The following PRRC2C variants were observed in gnomAD, a reference collection of about 807,000 sequenced individuals.
The protein encoded by PRRC2C is protein PRRC2C.
A neutral mutation model predicts 317.2 loss-of-function variants in PRRC2C; 72 were observed. The ratio of observed to expected loss-of-function variants is 0.23; its 90% CI spans 0.19 to 0.28. The LOEUF is 0.28. Among genes scored for constraint, PRRC2C ranks in the 10% least tolerant of loss-of-function variants. The pLI, the probability that PRRC2C is intolerant of heterozygous loss-of-function variation, is 1.00. For synonymous variants in PRRC2C, 1,296 were observed against 1,205.9 expected (o/e 1.07, Z -1.55); for missense variants, 3,074 against 3,459.7 (o/e 0.89, Z 2.80).
intron 11 of PRRC2C, 151 bp from the exon 12 acceptor site, chr1:171,532,192 T>A: frequency 1.2e-6 from 1 of 810,074 alleles, no homozygotes. Context: ...AGATGTAATA[T>A]ATTTCCCATC....
At position 171,517,755 on chromosome 1, in the gene PRRC2C, A is replaced by G. The variant is rs754717531; in HGVS notation, c.691A>G (p.Lys231Glu). The part of the protein sequence containing the change: ...KRIACGPPQA[K>E]LNGQQAALAS... ...GATAGCTTGTGGTCCTCCACAGGCT[A>G]AACTGAATGGACAGCAGGCTGCTCT... The change falls in exon 6 of 35, where the codon AAA becomes GAA. Residue 231 changes from lysine to glutamate, a missense_variant. Coordinates refer to ENST00000647382, the MANE Select transcript of PRRC2C (RefSeq NM_001387844.1). The G allele has an allele frequency of 4.3e-6, 7 of 1,613,738 alleles. No individual in the cohort carries two copies. Among genetic ancestry groups the G allele is most frequent in the South Asian group, 1.1e-5 (1 of 91,070 alleles).
intron 12 of PRRC2C, among the ~76,000 whole-genome samples, chr1:171,534,548 C>T (rs1676469266): frequency 6.6e-6 from 1 of 152,002 alleles, no homozygotes; most frequent in South Asian, 2.1e-4. Flanking sequence ...GTTCTCAAGA[C>T]ACACGTGATT....
In PRRC2C at chr1:171,571,429, C is replaced by T. The variant is rs758369512; in HGVS notation, c.6753+8C>T. On this transcript the variant is annotated splice_region_variant and intron_variant, in intron 24 of 34. Transcript: ENST00000647382. ...TTCAGCCTCACCTTCAAGGTATGTACAACATCCATCTCTAAGAGTCCTTAA... is the reference window on the plus strand; with the variant it reads ...TTCAGCCTCACCTTCAAGGTATGTATAACATCCATCTCTAAGAGTCCTTAA... The T allele has an allele frequency of 5.1e-6, 8 of 1,554,592 alleles. No individual in the cohort carries two copies. The highest frequency in any genetic ancestry group is 3.3e-5 in the Admixed American group (2 of 59,864).
chr1:171,553,600 C>A (rs1680747012), intron 18 of PRRC2C, among the ~76,000 whole-genome samples: 1 of 152,112 alleles, frequency 6.6e-6, no homozygotes, highest in African/African-American at 2.4e-5. Flanking sequence ...CTCTTTTGGG[C>A]ACTTAGTGCT....
At chr1:171,558,832 G>A (rs1477333716) in intron 19 of PRRC2C, among the ~76,000 whole-genome samples, 1 of 152,178 alleles carries the variant, frequency 6.6e-6, no homozygotes, top group Non-Finnish European at 1.5e-5. Context: ...TAAATCAAAA[G>A]CTGGGAACGA....
At chr1:171,583,852 C>A in intron 28 of PRRC2C, 104 bp from the exon 29 acceptor site, 2 of 890,552 alleles carry the variant, frequency 2.2e-6, no homozygotes, top group South Asian at 1.7e-5. Flanking sequence ...AAATGTCATG[C>A]AGCACATGAC....
intron 24 of PRRC2C, 23 bp from the exon 25 acceptor site, chr1:171,574,904 A>G: frequency 1.9e-6 from 3 of 1,605,582 alleles, no homozygotes; most frequent in Non-Finnish European, 2.6e-6. Context: ...TTTTTTTACT[A>G]TAAAATGTCC....
intron 3 of PRRC2C, among the ~76,000 whole-genome samples, chr1:171,513,944 A>G (rs1344027298): frequency 1.3e-5 from 2 of 152,222 alleles, no homozygotes; most frequent in East Asian, 1.9e-4. Context: ...AACACATTGC[A>G]TTTTGTGAGC....
intron 1 of PRRC2C, chr1:171,510,995 A>T (rs1477949878): frequency 6.6e-6 from 1 of 152,200 alleles, no homozygotes; most frequent in African/African-American, 2.4e-5. Flanking sequence ...TGATTCTGTA[A>T]TTGACAAATA....
chr1:171,566,999 G>A (rs1001595964), intron 22 of PRRC2C, among the ~76,000 whole-genome samples, 156 bp downstream of exon 22: 14 of 152,154 alleles, frequency 9.2e-5, no homozygotes, highest in Admixed American at 3.3e-4. Context: ...ATTTGCATAT[G>A]TAATCTAAAG....
chr1:171,557,690 T>C lies in PRRC2C; in HGVS notation c.5578T>C (p.Ser1860Pro), dbSNP rs1681722968. 7.7e-6 allele frequency: 12 copies of C among 1,551,108 alleles called. No homozygotes were observed. In the East Asian group the frequency reaches 2.7e-4, roughly 35 times the overall value. The change falls in exon 19 of 35, where the codon TCA (serine) becomes CCA (proline). Residue 1860 changes from serine to proline, a missense_variant. Physicochemically the swap from Ser to Pro is moderately conservative, Grantham distance 74 (BLOSUM62 -1). Around this residue, in one of 11 missense-constraint regions of PRRC2C, gnomAD observed 640 missense variants for 676.1 expected, o/e 0.95. Transcript: ENST00000647382. ...CCCAGCTTCTGTCACCATTCTTGCC[T>C]CAGCCTCAATTCCCATTCTTGCTTC... ...STPASVTILA[S>P]ASIPILASAL...
rs1360856497 is a variant in PRRC2C at position 171,517,300 on chromosome 1, A to G, written c.527-291A>G. On this transcript the variant is annotated intron_variant, in intron 5 of 34. Transcript: ENST00000647382. ...CATGGCCATCTGATATATGGAGAAC[A>G]GTGATTTTAATTTCTATACCAAATA... 2.0e-5 allele frequency among the ~76,000 whole-genome samples: 3 copies of G among 152,172 alleles called. No individual in the cohort carries two copies. The South Asian group carries it at 6.2e-4, about 31-fold the overall frequency.
intron 17 of PRRC2C, among the ~76,000 whole-genome samples, chr1:171,549,245 C>T (rs1167954326): frequency 6.6e-6 from 1 of 152,144 alleles, no homozygotes; most frequent in Non-Finnish European, 1.5e-5. Context: ...CCATGTTGCC[C>T]AGGCTGGTGT....
chr1:171,526,268 T>G (rs906294355), intron 10 of PRRC2C, among the ~76,000 whole-genome samples: 1 of 152,208 alleles, frequency 6.6e-6, no homozygotes, highest in African/African-American at 2.4e-5. Context: ...TAAATAAAAT[T>G]TAGTAATTAG....
At chr1:171,525,101 AAT>A in intron 10 of PRRC2C, 136 bp downstream of exon 10, 1 of 651,194 alleles carries the variant, frequency 1.5e-6, no homozygotes, top group Non-Finnish European at 2.3e-6. Context: ...TTTTTTCTTG[AAT>A]AGTCTTGAAT....
In PRRC2C at chr1:171,532,557, T is replaced by G. The variant is rs759833869; in HGVS notation, c.1469T>G (p.Leu490Trp). 1 of 1,581,738 alleles carries G rather than the reference T, an allele frequency of 6.3e-7. No homozygotes were observed. Among genetic ancestry groups the G allele is most frequent in the Non-Finnish European group, 8.6e-7 (1 of 1,163,938 alleles). Reference protein sequence around the residue: ...KAACAEKLKRLDEKLGILEKQ... With the variant: ...KAACAEKLKRWDEKLGILEKQ... ...GCTTGTGCGGAGAAACTGAAACGAT[T>G]GGATGAGAAGCTTGGCATCCTGGAA... Residue 490 changes from leucine to tryptophan, a missense_variant, in exon 12 of 35, where the codon TTG (leucine) becomes TGG (tryptophan). By Grantham distance (61) the Leu-to-Trp change is moderately conservative (BLOSUM62 -2). Transcript: ENST00000647382.
intron 20 of PRRC2C, among the ~76,000 whole-genome samples, chr1:171,563,413 A>G (rs1474700373): frequency 1.3e-5 from 2 of 152,202 alleles, no homozygotes; most frequent in Non-Finnish European, 2.9e-5. Context: ...GTTCTTGTAT[A>G]GCACTGACAA....
chr1:171,554,043 A>T (rs1319074463), intron 18 of PRRC2C, among the ~76,000 whole-genome samples: 1 of 152,142 alleles, frequency 6.6e-6, no homozygotes, highest in Non-Finnish European at 1.5e-5. Context: ...TGTCTCATTG[A>T]TCTGTCTAAT....
At chr1:171,546,026 A>G (rs907213425) in intron 17 of PRRC2C, among the ~76,000 whole-genome samples, 1 of 151,890 alleles carries the variant, frequency 6.6e-6, no homozygotes, top group Non-Finnish European at 1.5e-5. Context: ...ATTCTTAGTT[A>G]TATTGGTATA....
Sources: allele counts gnomAD v4.1 joint callset (sites outside exome capture counted in the v4.1 genomes callset), GRCh38; gene constraint gnomAD v4.1.1; regional missense constraint gnomAD v4.1.1; transcripts MANE v1.5; gene names NCBI Gene and HGNC (gene_info 2026-07-23, HGNC 2026-07-21).